APBB2: variants seen among roughly 807,000 people sequenced by gnomAD.
APBB2 encodes the protein Fe65-like 1.
Under a neutral mutation model 82.5 loss-of-function variants are expected in APBB2, and 38 were observed. That is an observed-to-expected ratio of 0.46 (90% CI 0.36 to 0.60). The LOEUF is 0.60. Among genes scored for constraint, APBB2 ranks in the 20% least tolerant of loss-of-function variants. APBB2 has a pLI of 0.00. For synonymous variants in APBB2, 341 were observed against 368.2 expected, an observed-to-expected ratio of 0.93 and a Z score of 0.85; for missense variants, 772 against 972.3, an observed-to-expected ratio of 0.79 and a Z score of 2.74.
chr4:41,205,806 T>C (rs1440597991), intron 1 of APBB2, among the ~76,000 whole-genome samples: 1 of 152,242 alleles, frequency 6.6e-6, no homozygotes, highest in African/African-American at 2.4e-5. Context: ...ACAATCATAT[T>C]ATATAAGCAC....
intron 1 of APBB2, among the ~76,000 whole-genome samples, chr4:41,147,050 G>A (rs549496637): frequency 6.1e-4 from 93 of 151,834 alleles, no homozygotes; most frequent in Non-Finnish European, 1.2e-3. Flanking sequence ...GCAACACAAT[G>A]TCAGCAGTTT....
chr4:40,898,811 TC>T (rs1252085710), intron 10 of APBB2, among the ~76,000 whole-genome samples: 1 of 147,598 alleles, frequency 6.8e-6, no homozygotes, highest in Non-Finnish European at 1.5e-5. Context: ...AGAGTGAGAC[TC>T]CATCTCAAAA....
chr4:41,092,112 A>G (rs10000647), intron 3 of APBB2, among the ~76,000 whole-genome samples: 186 of 152,338 alleles, frequency 1.2e-3, no homozygotes, highest in African/African-American at 4.2e-3. Flanking sequence ...CATTCAAACA[A>G]CAGACATGCA....
chr4:41,042,943 G>A (rs115444463), intron 4 of APBB2, among the ~76,000 whole-genome samples: 1,797 of 152,326 alleles, frequency 0.012, 41 homozygotes, highest in African/African-American at 0.041. Flanking sequence ...AAATGAGATT[G>A]TAGAAGAGCT....
chr4:41,095,006 T>C (rs748515627), intron 3 of APBB2, among the ~76,000 whole-genome samples: 11 of 152,182 alleles, frequency 7.2e-5, no homozygotes, highest in Non-Finnish European at 1.3e-4. Flanking sequence ...TACATAAATA[T>C]GATCAATTCA....
At chr4:41,036,098 C>G (rs1328370122) in intron 4 of APBB2, among the ~76,000 whole-genome samples, 1 of 152,108 alleles carries the variant, frequency 6.6e-6, no homozygotes, top group Non-Finnish European at 1.5e-5. Context: ...GTTAAGGCTG[C>G]AGTGAGCTAT....
chr4:41,044,915 A>G (rs961750569), intron 4 of APBB2, among the ~76,000 whole-genome samples: 1 of 152,074 alleles, frequency 6.6e-6, no homozygotes, highest in Non-Finnish European at 1.5e-5. Flanking sequence ...TATCATTTGC[A>G]CCACCTCTTT....
intron 6 of APBB2, among the ~76,000 whole-genome samples, chr4:40,946,286 C>T (rs1185088761): frequency 6.8e-6 from 1 of 146,156 alleles, no homozygotes; most frequent in Non-Finnish European, 1.5e-5. Flanking sequence ...GGAAAAGCCT[C>T]GGAAGTCAAC....
chr4:41,083,404 A>G (rs1490149816), intron 3 of APBB2, among the ~76,000 whole-genome samples: 2 of 151,996 alleles, frequency 1.3e-5, no homozygotes, highest in Non-Finnish European at 2.9e-5. Context: ...AAACTGTTAC[A>G]TTGTGGCCGG....
chr4:41,105,728 CAA>C (rs1316014123), intron 2 of APBB2, among the ~76,000 whole-genome samples: 1 of 151,450 alleles, frequency 6.6e-6, no homozygotes, highest in Non-Finnish European at 1.5e-5. Context: ...ACTAAAAATA[CAA>C]AAAAAATTAG....
At chr4:40,901,450 G>A (rs1432265569) in intron 10 of APBB2, among the ~76,000 whole-genome samples, 1 of 151,954 alleles carries the variant, frequency 6.6e-6, no homozygotes, top group Non-Finnish European at 1.5e-5. Context: ...TGGGGGTGGG[G>A]GGTGCTCTGT....
chr4:40,988,860 G>A (rs1279986392), intron 6 of APBB2, among the ~76,000 whole-genome samples: 2 of 151,286 alleles, frequency 1.3e-5, no homozygotes, highest in Non-Finnish European at 2.9e-5. Context: ...CCGCTTCCCG[G>A]GTTCAAGCAA....
intron 6 of APBB2, among the ~76,000 whole-genome samples, chr4:40,998,633 A>T (rs1374672699): frequency 6.6e-6 from 1 of 152,244 alleles, no homozygotes; most frequent in Non-Finnish European, 1.5e-5. Context: ...AAAGGCAGAT[A>T]AGCAAATTCA....
chr4:40,839,670 CTTTTTT>C (rs551355165), intron 12 of APBB2, among the ~76,000 whole-genome samples: 1 of 144,874 alleles, frequency 6.9e-6, no homozygotes, highest in South Asian at 2.2e-4. Context: ...TTTCTTTTTT[CTTTTTT>C]TTTTTTGAGG....
chr4:41,015,440 C>T (rs1438763519), intron 5 of APBB2, among the ~76,000 whole-genome samples: 1 of 152,200 alleles, frequency 6.6e-6, no homozygotes, highest in African/African-American at 2.4e-5. Flanking sequence ...CAAAGCACAG[C>T]TCCTGAAATT....
In APBB2 at chr4:41,047,185, G is replaced by A. The variant is rs187422351; in HGVS notation, c.-50-13881C>T. Among the ~76,000 whole-genome samples the A allele has an allele frequency of 6.6e-5, 10 of 152,286 alleles. No individual in the cohort carries two copies. In the East Asian group the frequency reaches 1.7e-3, roughly 26 times the overall value. ...AGGTATTTTGAACTCAGTAGAAGAT[G>A]AAAAAATTTCTGTTCTACTCCAACT... is the stretch of plus-strand genomic sequence containing the variant. On this transcript the variant is annotated intron_variant, in intron 4 of 17. Transcript: ENST00000508593.
chr4:40,836,082 G>A (rs957048230), intron 12 of APBB2, among the ~76,000 whole-genome samples: 1 of 152,196 alleles, frequency 6.6e-6, no homozygotes, highest in Non-Finnish European at 1.5e-5. Flanking sequence ...CACCAAGCAG[G>A]TGGGTGCTGG....
chr4:41,088,275 T>C (rs963270394), intron 3 of APBB2, among the ~76,000 whole-genome samples: 1 of 152,146 alleles, frequency 6.6e-6, no homozygotes, highest in Non-Finnish European at 1.5e-5. Flanking sequence ...ATTACCTTAG[T>C]CTGTTGGTGA....
chr4:40,940,576 A>C (rs922839010), intron 7 of APBB2, among the ~76,000 whole-genome samples: 9 of 152,190 alleles, frequency 5.9e-5, no homozygotes, highest in African/African-American at 2.2e-4. Context: ...CATGTATATG[A>C]GAATACACAG....
Sources: allele counts gnomAD v4.1 joint callset (sites outside exome capture counted in the v4.1 genomes callset), GRCh38; gene constraint gnomAD v4.1.1; transcripts MANE v1.5; gene names NCBI Gene and HGNC (gene_info 2026-07-23, HGNC 2026-07-21).